ASPRV1: variants seen among roughly 807,000 people sequenced by gnomAD.
The protein encoded by ASPRV1 is aspartic peptidase retroviral like 1, also known as retroviral-like aspartic protease 1.
ASPRV1 carries 7 observed loss-of-function variants against 11.0 expected under a neutral mutation model. The observed-to-expected ratio is 0.64, with a 90% CI of 0.36 to 1.20. The LOEUF (loss-of-function observed/expected upper bound fraction) is 1.20, where lower values mean the gene tolerates loss of function less well. ASPRV1 is among the 50% of genes most tolerant of loss of function. ASPRV1 has a pLI of 0.02. For missense variants in ASPRV1, 299 were observed against 320.0 expected (o/e 0.93, Z 0.50); for synonymous variants, 136 against 138.4 (o/e 0.98, Z 0.12).
the ASPRV1 span, chr2:69,942,285 T>C: frequency 6.6e-6 from 1 of 152,226 alleles, no homozygotes; most frequent in Non-Finnish European, 1.5e-5. Context: ...TCCTCTGATC[T>C]CTATAGACTG....
At chr2:70,062,112 A>AC in the ASPRV1 span, among the ~76,000 whole-genome samples, 1 of 151,966 alleles carries the variant, frequency 6.6e-6, no homozygotes, top group Non-Finnish European at 1.5e-5. Context: ...ACATAGTGAA[A>AC]CCCCGTCTCT....
the ASPRV1 span, among the ~76,000 whole-genome samples, chr2:69,999,655 CAAAAA>C: frequency 3.7e-5 from 2 of 54,034 alleles, no homozygotes; most frequent in African/African-American, 1.2e-4. Context: ...GACTCTGTCT[CAAAAA>C]AAAAAAAAAA....
At chr2:69,956,283 T>C (rs1677933428), downstream of ASPRV1, among the ~76,000 whole-genome samples, 1 of 151,846 alleles carries the variant, frequency 6.6e-6, no homozygotes, top group Middle Eastern at 3.2e-3. Flanking sequence ...TTCTGTAGAG[T>C]TGAGGGCCAG....
At chr2:69,937,388 G>A in the ASPRV1 span, 4 of 1,604,668 alleles carry the variant, frequency 2.5e-6, no homozygotes, top group Non-Finnish European at 2.6e-6. Context: ...CTCCGACTCC[G>A]ACAGGGGTGA....
At chr2:70,081,472 T>C in the ASPRV1 span, 1 of 148,934 alleles carries the variant, frequency 6.7e-6, no homozygotes, top group Non-Finnish European at 1.5e-5. Flanking sequence ...TCCATCCTGG[T>C]GACACAGCAA....
At chr2:70,045,609 CAT>C in the ASPRV1 span, 4 of 152,164 alleles carry the variant, frequency 2.6e-5, no homozygotes, top group African/African-American at 7.2e-5. Context: ...TCAAGTAAAA[CAT>C]AAACAACATT....
chr2:70,040,858 C>T, the ASPRV1 span, among the ~76,000 whole-genome samples: 15 of 152,258 alleles, frequency 9.9e-5, no homozygotes, highest in African/African-American at 3.6e-4. Flanking sequence ...CTAAACTAAA[C>T]TAACGTGGCA....
At chr2:70,027,143 A>T in the ASPRV1 span, among the ~76,000 whole-genome samples, 2 of 149,760 alleles carry the variant, frequency 1.3e-5, no homozygotes, top group Middle Eastern at 3.2e-3. Flanking sequence ...CTGTAGTCCC[A>T]GCTACGCAGG....
chr2:69,955,093 G>A (rs139488522), downstream of ASPRV1, among the ~76,000 whole-genome samples: 140 of 152,318 alleles, frequency 9.2e-4, no homozygotes, highest in Non-Finnish European at 1.4e-3. Flanking sequence ...TTCCTTACCC[G>A]AGGTTACTTG....
At chr2:70,032,275 G>C in the ASPRV1 span, 2 of 152,186 alleles carry the variant, frequency 1.3e-5, no homozygotes, top group Admixed American at 1.3e-4. Context: ...GAGCAAGAGT[G>C]GTTTGTTCAG....
chr2:70,029,433 G>A, the ASPRV1 span, among the ~76,000 whole-genome samples: 5 of 152,214 alleles, frequency 3.3e-5, no homozygotes, highest in Admixed American at 2.6e-4. Flanking sequence ...AAGCTCAGGA[G>A]ATTGAGACCA....
the ASPRV1 span, among the ~76,000 whole-genome samples, chr2:69,948,780 C>A: frequency 6.6e-6 from 1 of 152,158 alleles, no homozygotes; most frequent in South Asian, 2.1e-4. Context: ...TCTGCCCACG[C>A]CCCCCGCCTC....
chr2:70,079,742 AT>A, the ASPRV1 span, among the ~76,000 whole-genome samples: 3 of 152,172 alleles, frequency 2.0e-5, no homozygotes, highest in African/African-American at 7.2e-5. Flanking sequence ...CTCTACATAC[AT>A]TTTCTAAACC....
downstream of ASPRV1, among the ~76,000 whole-genome samples, chr2:69,957,863 C>T (rs2901932): frequency 0.26 from 40,208 of 152,006 alleles, 8,615 homozygotes; most frequent in African/African-American, 0.56. Context: ...AACCTTCACA[C>T]TGATCCTGCA....
the ASPRV1 span, among the ~76,000 whole-genome samples, chr2:70,053,417 A>G: frequency 6.6e-6 from 1 of 152,102 alleles, no homozygotes; most frequent in Admixed American, 6.5e-5. Context: ...AGACTCAACT[A>G]CTTCAAAACA....
At chr2:70,044,349 A>C in the ASPRV1 span, among the ~76,000 whole-genome samples, 1 of 152,114 alleles carries the variant, frequency 6.6e-6, no homozygotes, top group Non-Finnish European at 1.5e-5. Context: ...CCATCACCTG[A>C]CACCTTCAAG....
chr2:70,086,230 C>G, the ASPRV1 span: 1 of 152,134 alleles, frequency 6.6e-6, no homozygotes, highest in Admixed American at 6.6e-5. Context: ...ACCCCAATTT[C>G]TCGTTGGCGA....
chr2:70,065,955 C>A, the ASPRV1 span, among the ~76,000 whole-genome samples: 1 of 151,894 alleles, frequency 6.6e-6, no homozygotes, highest in African/African-American at 2.4e-5. Flanking sequence ...CGCCTGTACT[C>A]TCAGAATTTC....
the ASPRV1 span, chr2:69,938,407 A>C: frequency 1.0e-5 from 10 of 994,878 alleles, no homozygotes; most frequent in Non-Finnish European, 1.5e-5. Context: ...GACCAAAATC[A>C]GCTTTGTAAC....
Sources: gnomAD v4.1 joint callset for allele counts (sites outside exome capture counted in the v4.1 genomes callset) on GRCh38, gnomAD v4.1.1 for gene constraint, MANE v1.5 for transcripts, NCBI Gene and HGNC (gene_info 2026-07-23, HGNC 2026-07-21) for gene names.